TNS3: variants seen among roughly 807,000 people sequenced by gnomAD.
TNS3 encodes tensin 3, also known as tensin-3.
TNS3 carries 45 observed loss-of-function variants against 140.9 expected under a neutral mutation model. The ratio of observed to expected loss-of-function variants is 0.32; its 90% confidence interval spans 0.25 to 0.41. TNS3 has a LOEUF of 0.41. Ranked by LOEUF, TNS3 falls within the 10% of genes least tolerant of loss-of-function variation. The pLI, the probability that TNS3 is intolerant of heterozygous loss-of-function variation, is 1.00. For synonymous variants in TNS3, 815 were observed against 788.4 expected (o/e 1.03, Z -0.56); for missense variants, 1,716 against 1,906.7 (o/e 0.90, Z 1.86).
At chr7:47,467,898 T>C (rs1796790918) in intron 4 of TNS3, among the ~76,000 whole-genome samples, 1 of 152,224 alleles carries the variant, frequency 6.6e-6, no homozygotes, top group African/African-American at 2.4e-5. Context: ...TTGGAGATGT[T>C]GTTGTGTGTG....
chr7:47,474,287 A>G (rs1270297674), intron 4 of TNS3, among the ~76,000 whole-genome samples: 5 of 112,602 alleles, frequency 4.4e-5, no homozygotes, highest in Admixed American at 3.8e-4. Context: ...CACAACACAC[A>G]CACATAAACA....
chr7:47,328,872 T>C (rs1788177520), intron 20 of TNS3, among the ~76,000 whole-genome samples: 1 of 152,238 alleles, frequency 6.6e-6, no homozygotes, highest in Non-Finnish European at 1.5e-5. Flanking sequence ...TCCCTCAGCC[T>C]GTTCTGCCTG....
At chr7:47,367,423 T>C (rs1790768435) in intron 17 of TNS3, among the ~76,000 whole-genome samples, 1 of 152,172 alleles carries the variant, frequency 6.6e-6, no homozygotes, top group Admixed American at 6.5e-5. Flanking sequence ...ACTTGCCCCA[T>C]TACATCGATG....
intron 20 of TNS3, among the ~76,000 whole-genome samples, chr7:47,330,836 G>A (rs1788295248): frequency 6.6e-6 from 1 of 152,006 alleles, no homozygotes; most frequent in Non-Finnish European, 1.5e-5. Context: ...CCTGAGACAC[G>A]ACCTGATCAG....
chr7:47,484,672 G>A (rs1327454787), intron 3 of TNS3, among the ~76,000 whole-genome samples: 2 of 152,190 alleles, frequency 1.3e-5, no homozygotes, highest in African/African-American at 2.4e-5. Context: ...CTGCTGGAGC[G>A]CACACAGCTC....
intron 2 of TNS3, among the ~76,000 whole-genome samples, chr7:47,518,323 C>A (rs1798848504): frequency 6.6e-6 from 1 of 152,150 alleles, no homozygotes; most frequent in Admixed American, 6.5e-5. Context: ...GGTCCCTCCG[C>A]CGATGTCATA....
chr7:47,365,825 G>T (rs1314296618), intron 17 of TNS3, among the ~76,000 whole-genome samples: 1 of 152,182 alleles, frequency 6.6e-6, no homozygotes, highest in East Asian at 1.9e-4. Context: ...CAAACTGAGG[G>T]TGGATAATAT....
At chr7:47,331,784 CA>C (rs1325365986) in intron 20 of TNS3, among the ~76,000 whole-genome samples, 1 of 152,210 alleles carries the variant, frequency 6.6e-6, no homozygotes, top group African/African-American at 2.4e-5. Context: ...TAAATACCTG[CA>C]CACATAACAC....
Position 47,424,169 on chromosome 7 carries a change from A to C in TNS3, c.405T>G (p.Leu135=), listed in dbSNP as rs1794523068. The C allele has an allele frequency of 6.2e-7, 1 of 1,614,182 alleles. No homozygotes were observed. The highest frequency in any genetic ancestry group is 8.5e-7 in the Non-Finnish European group (1 of 1,180,040). Residue 135 remains leucine (L), a synonymous_variant, in exon 10 of 31, where the codon CTT becomes CTG. Coordinates refer to ENST00000311160, the MANE Select transcript of TNS3 (RefSeq NM_022748.12). ...TNVSASADQA[L]DRFAMKKFYD... is the part of the protein sequence containing the mutation. ...AAAACTTCTTCATTGCAAACCTGTCAAGGGCCTGGTCGGCGCTGAAGGGGA... is the reference window on the plus strand; with the variant it reads ...AAAACTTCTTCATTGCAAACCTGTCCAGGGCCTGGTCGGCGCTGAAGGGGA...
intron 13 of TNS3, among the ~76,000 whole-genome samples, chr7:47,405,106 A>G (rs1429844480): frequency 6.6e-6 from 1 of 152,154 alleles, no homozygotes; most frequent in East Asian, 1.9e-4. Context: ...GTGTATTTTT[A>G]TTTCAAACTC....
At chr7:47,526,403 C>T (rs1799194444) in intron 2 of TNS3, among the ~76,000 whole-genome samples, 1 of 152,198 alleles carries the variant, frequency 6.6e-6, no homozygotes, top group South Asian at 2.1e-4. Flanking sequence ...TGTGGAGCTA[C>T]CCACAGTGGG....
chr7:47,453,833 A>T (rs1052016431), intron 4 of TNS3, among the ~76,000 whole-genome samples: 6 of 152,118 alleles, frequency 3.9e-5, no homozygotes, highest in African/African-American at 1.4e-4. Context: ...TAGCACTCAG[A>T]GCTAAGAGGA....
rs545225527 is a variant in TNS3 at position 47,304,951 on chromosome 7, G to T, written c.2703C>A (p.Ser901Arg). 4 of 1,421,696 alleles carry T rather than the reference G, an allele frequency of 2.8e-6. No homozygotes were observed. The East Asian group carries it at 8.1e-5, about 29-fold the overall frequency. The allele number at this position is 1,421,696 out of a possible 1,614,324, so 88.1% of individuals were successfully genotyped here. The change falls in exon 21 of 31, where the codon AGC (serine) becomes AGA (arginine). Residue 901 changes from serine to arginine, a missense_variant. Ser to Arg is a moderately radical substitution (Grantham distance 110). Around this residue, in one of 3 missense-constraint regions of TNS3, gnomAD observed 1,163 missense variants for 1,182.1 expected, o/e 0.98. Coordinates refer to ENST00000311160, the MANE Select transcript of TNS3 (RefSeq NM_022748.12). ...TLTHAVGMSE[S>R]PIGPKSTMLR... The stretch of plus-strand genomic sequence containing the variant: ...GCATCGTGGATTTGGGTCCGATGGG[G>T]CTCTCTGACATCCCCACAGCGTGAG...
In TNS3 at chr7:47,440,917, C is replaced by T. The variant is rs143838899; in HGVS notation, c.-23+1086G>A. 7.2e-3 allele frequency among the ~76,000 whole-genome samples: 1,093 copies of T among 152,198 alleles called. 18 individuals carry two copies. Among genetic ancestry groups the T allele is most frequent in the African/African-American group, 0.025 (1,018 of 41,540 alleles). On this transcript the variant is annotated intron_variant, in intron 5 of 30. Transcript: ENST00000311160. ...AACCATATAAAATGGTTTTGCAAAC[C>T]TCCATGTACCCACATCACCTAACTT...
chr7:47,575,869 TGA>T (rs1800664372), intron 1 of TNS3, among the ~76,000 whole-genome samples: 1 of 149,760 alleles, frequency 6.7e-6, no homozygotes, highest in Admixed American at 6.6e-5. Flanking sequence ...GCTCATTACT[TGA>T]GAGTCTTCTG....
chr7:47,556,867 A>G (rs1800208449), intron 1 of TNS3, among the ~76,000 whole-genome samples: 1 of 152,242 alleles, frequency 6.6e-6, no homozygotes, highest in Non-Finnish European at 1.5e-5. Flanking sequence ...ATGGCATGCA[A>G]GGAAGGAATG....
chr7:47,409,285 A>G (rs2151392736), intron 13 of TNS3, among the ~76,000 whole-genome samples: 1 of 150,458 alleles, frequency 6.6e-6, no homozygotes, highest in Non-Finnish European at 1.5e-5. Context: ...GCCTGGTCTC[A>G]GGAAGACCCT....
chr7:47,555,316 G>A (rs967410606), intron 1 of TNS3, among the ~76,000 whole-genome samples: 8 of 150,892 alleles, frequency 5.3e-5, no homozygotes, highest in Non-Finnish European at 7.4e-5. Context: ...CAGGAGAATC[G>A]CTTCAACCCA....
At position 47,435,261 on chromosome 7, in the gene TNS3, T is replaced by C. The variant is rs189312588; in HGVS notation, c.324+21A>G. ...GCTGAAGCCCAGCCAGACCCCCAAATGTGAGAGGGGGCGCACTCACCCTGC... is the reference window on the plus strand; with the variant it reads ...GCTGAAGCCCAGCCAGACCCCCAAACGTGAGAGGGGGCGCACTCACCCTGC... On this transcript the variant is annotated intron_variant, in intron 8 of 30. Transcript: ENST00000311160. 3.0e-4 allele frequency: 484 copies of C among 1,613,052 alleles called. 2 individuals are homozygous for C. The highest frequency in any genetic ancestry group is 6.7e-5 in the African/African-American group (5 of 75,034).
Sources: allele counts gnomAD v4.1 joint callset (sites outside exome capture counted in the v4.1 genomes callset), GRCh38; gene constraint gnomAD v4.1.1; regional missense constraint gnomAD v4.1.1; transcripts MANE v1.5; gene names NCBI Gene and HGNC (gene_info 2026-07-23, HGNC 2026-07-21).